Variants in RTN1 observed in about 807,000 individuals in gnomAD.
The protein encoded by RTN1 is reticulon 1.
In RTN1, 25 loss-of-function variants were observed where a neutral mutation model predicts 65.5. That is an observed-to-expected ratio of 0.38 (90% confidence interval 0.28 to 0.53). The LOEUF is 0.53. Ranked by LOEUF, RTN1 falls within the 20% of genes least tolerant of loss-of-function variation. The pLI is 0.79. For synonymous variants in RTN1, 471 were observed against 447.6 expected, an observed-to-expected ratio of 1.05 and a Z score of -0.66; for missense variants, 983 against 1,025.4, an observed-to-expected ratio of 0.96 and a Z score of 0.57.
chr14:59,661,772 T>C (rs1883253668), intron 3 of RTN1, among the ~76,000 whole-genome samples: 1 of 152,200 alleles, frequency 6.6e-6, no homozygotes, highest in African/African-American at 2.4e-5. Context: ...AAGCTATTTA[T>C]GACAAACCCA....
At position 59,846,335 on chromosome 14, in the gene RTN1, T is replaced by C. The variant is rs1364281483; in HGVS notation, c.241+24055A>G. 6.6e-6 allele frequency among the ~76,000 whole-genome samples: 1 copy of C among 152,102 alleles called. No individual in the cohort carries two copies. Among genetic ancestry groups the C allele is most frequent in the Non-Finnish European group, 1.5e-5 (1 of 68,008 alleles). On this transcript the variant is annotated intron_variant, in intron 1 of 8. Transcript: ENST00000267484. The surrounding 1 kb of genome is among the most constrained non-coding windows in gnomAD (Gnocchi z 4.8). ...CAGACATCACTCATTAATCCCGGCA[T>C]TCTTTCCACAGCACTCTTCTCATCC...
intron 3 of RTN1, among the ~76,000 whole-genome samples, chr14:59,710,428 G>C (rs981770413): frequency 1.3e-5 from 2 of 152,196 alleles, no homozygotes; most frequent in Admixed American, 1.3e-4. Context: ...CTTTTAAAGA[G>C]AAGTTCCCCA....
At chr14:59,636,703 A>G (rs1423366932) in intron 3 of RTN1, among the ~76,000 whole-genome samples, 1 of 152,226 alleles carries the variant, frequency 6.6e-6, no homozygotes, top group Non-Finnish European at 1.5e-5. Flanking sequence ...TGAGACCACT[A>G]CAATGAAGTG....
chr14:59,780,598 T>A (rs925090136), intron 1 of RTN1, among the ~76,000 whole-genome samples: 1 of 152,228 alleles, frequency 6.6e-6, no homozygotes, highest in Non-Finnish European at 1.5e-5. Context: ...AGCCAAGGTC[T>A]AGGGCAAATC....
At chr14:59,822,359 G>T (rs1487703306) in intron 1 of RTN1, among the ~76,000 whole-genome samples, 1 of 151,946 alleles carries the variant, frequency 6.6e-6, no homozygotes, top group Non-Finnish European at 1.5e-5. Context: ...TAGTAATGTT[G>T]CTTTTGTCAT....
At chr14:59,818,832 T>G in intron 1 of RTN1, among the ~76,000 whole-genome samples, 1 of 152,214 alleles carries the variant, frequency 6.6e-6, no homozygotes, top group South Asian at 2.1e-4. Context: ...CATCTGCTAT[T>G]TTTTGACTTT....
intron 3 of RTN1, among the ~76,000 whole-genome samples, chr14:59,704,066 T>C (rs1884237190): frequency 6.6e-6 from 1 of 152,298 alleles, no homozygotes; most frequent in Admixed American, 6.5e-5. Flanking sequence ...CTCTTGAAAT[T>C]ATCAAGTTGA....
At chr14:59,842,099 C>G (rs948456507) in intron 1 of RTN1, among the ~76,000 whole-genome samples, 1 of 150,546 alleles carries the variant, frequency 6.6e-6, no homozygotes, top group Non-Finnish European at 1.5e-5. Context: ...GCACTCCAGC[C>G]TGGGTGAAAG....
intron 3 of RTN1, among the ~76,000 whole-genome samples, chr14:59,628,224 C>T (rs1184720316): frequency 6.6e-6 from 1 of 152,078 alleles, no homozygotes; most frequent in Non-Finnish European, 1.5e-5. Context: ...ATTAAACTCA[C>T]CTAGGGAGCT....
At chr14:59,606,523 G>A (rs889989856) in intron 4 of RTN1, among the ~76,000 whole-genome samples, 3 of 152,152 alleles carry the variant, frequency 2.0e-5, no homozygotes, top group Non-Finnish European at 4.4e-5. Flanking sequence ...TGAGGACACA[G>A]TGAGGAGCTG....
chr14:59,659,481 A>C (rs1883196493), intron 3 of RTN1, among the ~76,000 whole-genome samples: 2 of 152,196 alleles, frequency 1.3e-5, no homozygotes, highest in African/African-American at 4.8e-5. Context: ...TGTTAAGGGC[A>C]GCCAGAGAGA....
In RTN1 at chr14:59,749,110, A is replaced by ATC. The variant is rs1420988236; in HGVS notation, c.242-2630_242-2629insGA. ...GGCATCTATATATATATCTATATAT[A>ATC]TATATATATATATAGATATATCTAT... On this transcript the variant is annotated intron_variant, in intron 1 of 8. Coordinates refer to ENST00000267484, the MANE Select transcript of RTN1 (RefSeq NM_021136.3). Among the ~76,000 whole-genome samples the ATC allele has an allele frequency of 1.1e-3, 60 of 54,516 alleles. 1 individual carries two copies. Among genetic ancestry groups the ATC allele is most frequent in the African/African-American group, 8.4e-3 (59 of 7,032 alleles). The allele number at this position is 54,516 out of a possible 152,430, so 35.8% of individuals were successfully genotyped here. A position where few individuals can be genotyped will look rare whatever the true frequency, so the allele number is the denominator to read the frequency against.
At chr14:59,654,416 G>A (rs370445834) in intron 3 of RTN1, among the ~76,000 whole-genome samples, 8 of 136,868 alleles carry the variant, frequency 5.8e-5, no homozygotes, top group Non-Finnish European at 9.2e-5. Context: ...GTGACAGAGC[G>A]AGACTCTGTC....
intron 3 of RTN1, among the ~76,000 whole-genome samples, chr14:59,704,173 C>T (rs1884239689): frequency 6.6e-6 from 1 of 152,156 alleles, no homozygotes; most frequent in Non-Finnish European, 1.5e-5. Context: ...TAGCAAAATG[C>T]TCCTGCAAAT....
At chr14:59,677,763 T>C (rs1438546084) in intron 3 of RTN1, among the ~76,000 whole-genome samples, 1 of 152,132 alleles carries the variant, frequency 6.6e-6, no homozygotes, top group Non-Finnish European at 1.5e-5. Context: ...CACTTACCCA[T>C]CCTTCTAGCT....
chr14:59,630,459 G>C (rs1391542384), intron 3 of RTN1: 10 of 1,613,724 alleles, frequency 6.2e-6, no homozygotes, highest in Non-Finnish European at 8.5e-6. Context: ...GACTTTTCCA[G>C]TTGCTCCACA....
In RTN1 at chr14:59,803,339, C is replaced by T. The variant is rs957678394; in HGVS notation, c.242-56858G>A. On this transcript the variant is annotated intron_variant, in intron 1 of 8. Transcript: ENST00000267484. This position sits in a 1 kb window ranked among gnomAD's most constrained non-coding sequence, Gnocchi z 5.6. ...AATCCAGATGTGAAAAGTTTCCACA[C>T]GCTTAAGTAAGTTTTCATCCTTCAG... Among the ~76,000 whole-genome samples the T allele has an allele frequency of 1.6e-4, 24 of 152,108 alleles. No homozygotes were observed. The highest frequency in any genetic ancestry group is 4.6e-4 in the African/African-American group (19 of 41,420).
intron 2 of RTN1, among the ~76,000 whole-genome samples, chr14:59,730,562 AG>A (rs1479101244): frequency 2.6e-5 from 4 of 152,242 alleles, no homozygotes; most frequent in African/African-American, 9.6e-5. Context: ...AGAAAGTGAA[AG>A]CACAATCAAC....
At chr14:59,791,709 A>G (rs1282486255) in intron 1 of RTN1, among the ~76,000 whole-genome samples, 2 of 151,754 alleles carry the variant, frequency 1.3e-5, no homozygotes, top group Non-Finnish European at 2.9e-5. Context: ...TACCTCCATC[A>G]CTCACTCTAC....
Sources: gnomAD v4.1 joint callset for allele counts (sites outside exome capture counted in the v4.1 genomes callset) on GRCh38, gnomAD v4.1.1 for gene constraint, Gnocchi (gnomAD v3.1) non-coding constraint, MANE v1.5 for transcripts, NCBI Gene and HGNC (gene_info 2026-07-23, HGNC 2026-07-21) for gene names.